DLG5: variants seen among roughly 807,000 people sequenced by gnomAD.
DLG5 encodes the protein discs large MAGUK scaffold protein 5, also known as disks large homolog 5.
Under a neutral mutation model 189.8 loss-of-function variants are expected in DLG5, and 48 were observed. The ratio of observed to expected loss-of-function variants is 0.25; its 90% CI spans 0.20 to 0.32. The LOEUF is 0.32. Among genes scored for constraint, DLG5 ranks in the 10% least tolerant of loss-of-function variants. DLG5 has a pLI of 1.00. For missense variants in DLG5, 2,160 were observed against 2,544.7 expected (o/e 0.85, Z 3.25); for synonymous variants, 1,016 against 1,054.1 (o/e 0.96, Z 0.70).
intron 1 of DLG5, among the ~76,000 whole-genome samples, chr10:77,917,607 T>C (rs961340588): frequency 6.6e-6 from 1 of 151,936 alleles, no homozygotes; most frequent in African/African-American, 2.4e-5. Flanking sequence ...GAAATATTCA[T>C]ATAATGGTGA....
Position 77,816,560 on chromosome 10 carries a change from C to G in DLG5, c.4016G>C (p.Arg1339Thr). The change falls in exon 20 of 32, where the codon AGA (arginine) becomes ACA (threonine). Residue 1339 changes from arginine (R) to threonine (T), a missense_variant. Transcript: ENST00000372391. The part of the protein sequence containing the change: ...AVNPASLGER[R>T]KDRPYVEEPR... ...GACCGGCCATGCTCACCTGTCCTTT[C>G]TCCGCTCCCCGAGGGACGCGGGGTT... 6.2e-7 allele frequency: 1 copy of G among 1,614,102 alleles called. No homozygotes were observed. The highest frequency in any genetic ancestry group is 8.5e-7 in the Non-Finnish European group (1 of 1,179,980).
intron 7 of DLG5, among the ~76,000 whole-genome samples, chr10:77,836,726 T>C (rs1843155246): frequency 6.6e-6 from 1 of 151,976 alleles, no homozygotes; most frequent in Non-Finnish European, 1.5e-5. Context: ...AGCTGAAAAA[T>C]AATTTGCACA....
At position 77,854,373 on chromosome 10, in the gene DLG5, G is replaced by T; in HGVS notation, c.537-3C>A. The stretch of plus-strand genomic sequence containing the variant: ...CAGGATTCAGCCTGTGGTAGGGCCT[G>T]GCCCAGAGAGCGAATGGCCCCATGA... On this transcript the variant is annotated splice_polypyrimidine_tract_variant and splice_region_variant and intron_variant, in intron 3 of 31. Coordinates refer to ENST00000372391, the MANE Select transcript of DLG5 (RefSeq NM_004747.4). The T allele has an allele frequency of 6.2e-7, 1 of 1,613,810 alleles. No homozygotes were observed. The highest frequency in any genetic ancestry group is 8.5e-7 in the Non-Finnish European group (1 of 1,179,994).
intron 24 of DLG5, among the ~76,000 whole-genome samples, chr10:77,809,286 G>C (rs1363363935): frequency 1.3e-5 from 2 of 148,198 alleles, no homozygotes; most frequent in Admixed American, 1.3e-4. Flanking sequence ...CATGCCTGTA[G>C]TCCCAGCTAC....
At position 77,803,429 on chromosome 10, in the gene DLG5, C is replaced by T. The variant is rs112186604; in HGVS notation, c.5164+2236G>A. ...CAGTGGATTTAAAAAGTCCCACATG[C>T]TGCTTATAAGGGATATTTAAATATA... On this transcript the variant is annotated intron_variant, in intron 27 of 31. Transcript: ENST00000372391. 1.1e-3 allele frequency among the ~76,000 whole-genome samples: 162 copies of T among 152,230 alleles called. 1 individual carries two copies. The highest frequency in any genetic ancestry group is 3.8e-3 in the African/African-American group (159 of 41,532).
intron 2 of DLG5, among the ~76,000 whole-genome samples, chr10:77,867,540 G>A (rs1017111488): frequency 2.0e-5 from 3 of 152,092 alleles, no homozygotes; most frequent in Admixed American, 6.5e-5. Flanking sequence ...ATATGTCTCC[G>A]GGCACCAAAA....
At chr10:77,927,200 CGCTAGGCGGGGACGCGGCGCCGGCT>C (rs1383924555), upstream of DLG5, 2 of 152,564 alleles carry the variant, frequency 1.3e-5, no homozygotes, top group African/African-American at 4.8e-5. Flanking sequence ...CCGGCCCGCC[CGCTAGGCGGGGACGCGGCGCCGGCT>C]GGTTCCCGGT....
At chr10:77,898,858 C>T (rs974871758) in intron 1 of DLG5, among the ~76,000 whole-genome samples, 4 of 152,208 alleles carry the variant, frequency 2.6e-5, no homozygotes, top group Non-Finnish European at 5.9e-5. Flanking sequence ...GGGCACTCAC[C>T]CAAAGTCACC....
intron 10 of DLG5, among the ~76,000 whole-genome samples, 160 bp downstream of exon 10, chr10:77,830,581 C>A (rs535692983): frequency 2.6e-5 from 4 of 152,324 alleles, no homozygotes; most frequent in Non-Finnish European, 4.4e-5. Flanking sequence ...CAGCTGCAAC[C>A]CAGCCTGGAC....
chr10:77,886,375 G>C (rs1304815591), intron 1 of DLG5, among the ~76,000 whole-genome samples: 2 of 122,440 alleles, frequency 1.6e-5, no homozygotes, highest in South Asian at 5.4e-4. Flanking sequence ...TGTGAGAGTA[G>C]TAATGTTGCT....
chr10:77,818,996 A>G (rs1568143791), intron 17 of DLG5, among the ~76,000 whole-genome samples: 1 of 152,188 alleles, frequency 6.6e-6, no homozygotes, highest in Non-Finnish European at 1.5e-5. Context: ...TTCAAGACAG[A>G]AACAGTAATA....
Position 77,821,894 on chromosome 10 carries a change from T to C in DLG5, c.2590A>G (p.Ser864Gly). The C allele has an allele frequency of 1.2e-6, 2 of 1,614,224 alleles. No individual in the cohort carries two copies. Among genetic ancestry groups the C allele is most frequent in the Non-Finnish European group, 1.7e-6 (2 of 1,180,026 alleles). ...AATGGCTTATGCAGAAAGGAGCTGCTGCCTCCTGGGGGGCCTGGCTCCTTC... is the reference window on the plus strand; with the variant it reads ...AATGGCTTATGCAGAAAGGAGCTGCCGCCTCCTGGGGGGCCTGGCTCCTTC... Reference protein sequence around the residue: ...DRKEPGPPGGSSSFLHKPFPG... With the variant: ...DRKEPGPPGGGSSFLHKPFPG... The change falls in exon 15 of 32, where the codon AGC becomes GGC. Residue 864 changes from serine (S) to glycine (G), a missense_variant. Physicochemically the swap from Ser to Gly is moderately conservative, Grantham distance 56 (BLOSUM62 0). This residue lies in a region of DLG5 where 754 missense variants were observed against 746.5 expected (regional missense o/e 1.01). Transcript: ENST00000372391.
intron 27 of DLG5, among the ~76,000 whole-genome samples, chr10:77,804,217 T>C (rs753109083): frequency 9.9e-5 from 15 of 152,268 alleles, no homozygotes; most frequent in Non-Finnish European, 1.3e-4. Flanking sequence ...AGGGGCAAGA[T>C]AGTAAATATT....
intron 23 of DLG5, 30 bp from the exon 24 acceptor site, chr10:77,809,760 T>G (rs1401473939): frequency 6.3e-7 from 1 of 1,598,428 alleles, no homozygotes; most frequent in South Asian, 1.1e-5. Context: ...GTTCCTCAAC[T>G]GTGCACAAAG....
rs149337565 is a variant in DLG5, at chr10:77,821,320, A to G, written c.3164T>C (p.Val1055Ala). 56 of 1,613,240 alleles carry G rather than the reference A, an allele frequency of 3.5e-5. No individual in the cohort carries two copies. The highest frequency in any genetic ancestry group is 4.7e-5 in the Non-Finnish European group (55 of 1,180,040). Residue 1055 changes from valine to alanine, a missense_variant, in exon 15 of 32, where the codon GTG (valine) becomes GCG (alanine). Val to Ala is a moderately conservative substitution (Grantham distance 64, BLOSUM62 0). Transcript: ENST00000372391. Reference protein sequence around the residue: ...TSPPSALPPDVDPGEPMHASP... With the variant: ...TSPPSALPPDADPGEPMHASP... ...TGCGTGCATGGGCTCCCCGGGGTCCACGTCAGGGGGCAGGGCGCTCGGGGG... is the reference window on the plus strand; with the variant it reads ...TGCGTGCATGGGCTCCCCGGGGTCCGCGTCAGGGGGCAGGGCGCTCGGGGG...
intron 25 of DLG5, 26 bp downstream of exon 25, chr10:77,807,770 C>T: frequency 6.2e-7 from 1 of 1,606,856 alleles, no homozygotes; most frequent in Non-Finnish European, 8.5e-7. Context: ...TTCCAAATCT[C>T]CCACCGATTC....
chr10:77,828,667 A>C (rs998761111), intron 13 of DLG5, among the ~76,000 whole-genome samples: 2 of 152,088 alleles, frequency 1.3e-5, no homozygotes, highest in Non-Finnish European at 2.9e-5. Context: ...GTAGCAATGC[A>C]ATTGATTCTT....
chr10:77,879,171 C>T (rs111330573), intron 1 of DLG5, among the ~76,000 whole-genome samples: 8 of 152,220 alleles, frequency 5.3e-5, no homozygotes, highest in East Asian at 3.9e-4. Flanking sequence ...TATTGTACAG[C>T]GGTGGCAGGG....
chr10:77,830,059 G>C (rs1163354732), intron 11 of DLG5, among the ~76,000 whole-genome samples, 158 bp downstream of exon 11: 1 of 152,154 alleles, frequency 6.6e-6, no homozygotes, highest in Admixed American at 6.5e-5. Context: ...GTTTCTTTCG[G>C]AGCATTATTA....
Sources: gnomAD v4.1 joint callset for allele counts (sites outside exome capture counted in the v4.1 genomes callset) on GRCh38, gnomAD v4.1.1 for gene constraint, gnomAD v4.1.1 regional missense constraint, MANE v1.5 for transcripts, NCBI Gene and HGNC (gene_info 2026-07-23, HGNC 2026-07-21) for gene names.